FBN1: variants seen among roughly 807,000 people sequenced by gnomAD.
The protein encoded by FBN1 is fibrillin 1.
FBN1 carries 29 observed loss-of-function variants against 365.1 expected under a neutral mutation model. The ratio of observed to expected loss-of-function variants is 0.08; its 90% CI spans 0.06 to 0.11. FBN1 has a LOEUF of 0.11. Ranked by LOEUF, FBN1 falls within the 10% of genes least tolerant of loss-of-function variation. The probability of loss-of-function intolerance (pLI) is 1.00; values close to 1 mark genes in which losing one functional copy is unlikely to be tolerated. For synonymous variants in FBN1, 1,210 were observed against 1,270.5 expected (o/e 0.95, Z 1.01); for missense variants, 2,476 against 3,703.2 (o/e 0.67, Z 8.60).
chr15:48,558,727 G>A (rs1436557137), intron 6 of FBN1, among the ~76,000 whole-genome samples: 4 of 152,168 alleles, frequency 2.6e-5, no homozygotes, highest in South Asian at 2.1e-4. Flanking sequence ...GTTCAAAGAC[G>A]CAAAGCCTGC....
chr15:48,514,777 G>C (rs1192990598), intron 12 of FBN1, among the ~76,000 whole-genome samples: 1 of 152,122 alleles, frequency 6.6e-6, no homozygotes, highest in East Asian at 1.9e-4. Flanking sequence ...TCTTAAATTG[G>C]AGTTACCAGA....
intron 54 of FBN1, among the ~76,000 whole-genome samples, chr15:48,434,200 G>A (rs2043045770): frequency 6.6e-6 from 1 of 152,088 alleles, no homozygotes; most frequent in Admixed American, 6.6e-5. Context: ...GGGTATCTTA[G>A]TGTGCAGTGC....
At chr15:48,570,948 G>A (rs1190040931) in intron 6 of FBN1, among the ~76,000 whole-genome samples, 1 of 152,178 alleles carries the variant, frequency 6.6e-6, no homozygotes, top group Non-Finnish European at 1.5e-5. Context: ...AGGGCCTAAG[G>A]AAAATGGTCT....
Position 48,489,906 on chromosome 15 carries a change from C to T in FBN1, c.3027G>A (p.Pro1009=), listed in dbSNP as rs774381427. 7 of 1,614,176 alleles carry T rather than the reference C, an allele frequency of 4.3e-6. No individual in the cohort carries two copies. Among genetic ancestry groups the T allele is most frequent in the East Asian group, 2.2e-5 (1 of 44,876 alleles). ...RNTPEYEELC[P]RGPGFATKEI... Reference sequence around the variant, plus strand: ...CTTTTGTGGCAAATCCGGGTCCTCTCGGACACAGCTCCTCGTACTCAGGAG... The same window carrying T: ...CTTTTGTGGCAAATCCGGGTCCTCTTGGACACAGCTCCTCGTACTCAGGAG... Residue 1009 remains proline (P), a synonymous_variant, in exon 25 of 66, where the codon CCG becomes CCA. Transcript: ENST00000316623.
intron 6 of FBN1, among the ~76,000 whole-genome samples, chr15:48,579,429 T>C (rs2044374532): frequency 6.6e-6 from 1 of 152,218 alleles, no homozygotes. Context: ...CAATTTCATC[T>C]ACATACAGTT....
rs1267721327 is a variant in FBN1 at position 48,489,902 on chromosome 15, C to T, written c.3031G>A (p.Gly1011Arg). 6.2e-7 allele frequency: 1 copy of T among 1,614,022 alleles called. No individual in the cohort carries two copies. The highest frequency in any genetic ancestry group is 8.5e-7 in the Non-Finnish European group (1 of 1,180,042). ...TPEYEELCPR[G>R]PGFATKEITN... is the part of the protein sequence containing the mutation. ...ATTTCTTTTGTGGCAAATCCGGGTC[C>T]TCTCGGACACAGCTCCTCGTACTCA... Residue 1011 changes from glycine to arginine, a missense_variant, in exon 25 of 66, where the codon GGA (glycine) becomes AGA (arginine). Around this residue, in one of 5 missense-constraint regions of FBN1, gnomAD observed 1,780 missense variants for 2,840.8 expected, o/e 0.63. Transcript: ENST00000316623.
At chr15:48,620,854 G>A (rs951716493) in intron 2 of FBN1, among the ~76,000 whole-genome samples, 9 of 152,146 alleles carry the variant, frequency 5.9e-5, no homozygotes, top group Non-Finnish European at 1.2e-4. Context: ...AGGAATCAGG[G>A]CTCCTGGGAG....
intron 6 of FBN1, among the ~76,000 whole-genome samples, chr15:48,556,564 T>C (rs930608382): frequency 1.3e-5 from 2 of 152,208 alleles, no homozygotes; most frequent in Non-Finnish European, 2.9e-5. Context: ...TTAGAAATCA[T>C]TTTCTTTGAA....
chr15:48,623,683 T>C (rs1181191569), intron 2 of FBN1, among the ~76,000 whole-genome samples: 2 of 152,150 alleles, frequency 1.3e-5, no homozygotes, highest in Admixed American at 1.3e-4. Context: ...CATGACAAAA[T>C]TCATAGAGTG....
In FBN1 at chr15:48,598,087, C is replaced by T. The variant is rs140658101; in HGVS notation, c.443-1709G>A. 4.6e-5 allele frequency among the ~76,000 whole-genome samples: 7 copies of T among 152,264 alleles called. No individual in the cohort carries two copies. In the East Asian group the frequency reaches 9.7e-4, roughly 21 times the overall value. On this transcript the variant is annotated intron_variant, in intron 5 of 65. Coordinates refer to ENST00000316623, the MANE Select transcript of FBN1 (RefSeq NM_000138.5). Reference sequence around the variant, plus strand: ...CTCCTGTTTTGTCCTCCTCCAGTTGCGCTTCCACACTGTGATCTTTCTCAC... The same window carrying T: ...CTCCTGTTTTGTCCTCCTCCAGTTGTGCTTCCACACTGTGATCTTTCTCAC...
At chr15:48,570,180 C>G (rs1301302227) in intron 6 of FBN1, among the ~76,000 whole-genome samples, 1 of 152,082 alleles carries the variant, frequency 6.6e-6, no homozygotes. Context: ...TATCTAACCA[C>G]CTGGGGCAGA....
chr15:48,626,198 A>G (rs1427394745), intron 2 of FBN1, among the ~76,000 whole-genome samples: 1 of 151,210 alleles, frequency 6.6e-6, no homozygotes. Flanking sequence ...TTGAGGCTAG[A>G]GTGAGCCGCA....
rs28730787 is a variant in FBN1, at chr15:48,430,586, T to C, written c.6871+85A>G. On this transcript the variant is annotated intron_variant, in intron 56 of 65. Coordinates refer to ENST00000316623, the MANE Select transcript of FBN1 (RefSeq NM_000138.5). The stretch of plus-strand genomic sequence containing the variant: ...ACAAAATGGGTCTCGCCAAGAACAG[T>C]ATCCCAAGAACTCAGAGCCCAGGTT... 9,309 of 1,514,468 alleles carry C rather than the reference T, an allele frequency of 6.1e-3. 38 individuals are homozygous for C. Among genetic ancestry groups the C allele is most frequent in the Non-Finnish European group, 7.6e-3 (8,308 of 1,092,354 alleles). 93.8% of individuals were successfully genotyped at this position (1,514,468 alleles called of 1,614,324 possible).
At chr15:48,507,079 G>A (rs1312111669) in intron 15 of FBN1, among the ~76,000 whole-genome samples, 1 of 152,082 alleles carries the variant, frequency 6.6e-6, no homozygotes, top group Non-Finnish European at 1.5e-5. Context: ...CATCTATGAG[G>A]TCACAGCATT....
intron 35 of FBN1, among the ~76,000 whole-genome samples, chr15:48,472,133 C>A (rs1320298214): frequency 6.6e-6 from 1 of 152,228 alleles, no homozygotes; most frequent in African/African-American, 2.4e-5. Context: ...GAGATTAAAA[C>A]CTGTGTTTCC....
chr15:48,496,667 T>A (rs2141305598), intron 19 of FBN1, among the ~76,000 whole-genome samples: 1 of 152,286 alleles, frequency 6.6e-6, no homozygotes, highest in South Asian at 2.1e-4. Flanking sequence ...CCAGAATGGG[T>A]GTTTCTTCCT....
chr15:48,554,447 C>T (rs2044164804), intron 6 of FBN1, among the ~76,000 whole-genome samples: 1 of 152,144 alleles, frequency 6.6e-6, no homozygotes, highest in Non-Finnish European at 1.5e-5. Context: ...TGAAAATTAT[C>T]CCAATTTTGT....
At chr15:48,627,370 G>T (rs530631580) in intron 2 of FBN1, among the ~76,000 whole-genome samples, 1 of 152,142 alleles carries the variant, frequency 6.6e-6, no homozygotes, top group Admixed American at 6.5e-5. Flanking sequence ...TGCACCCTCC[G>T]GTAAAAACAT....
At chr15:48,491,072 G>A (rs4283172) in intron 24 of FBN1, among the ~76,000 whole-genome samples, 34,701 of 152,000 alleles carry the variant, frequency 0.23, 4,858 homozygotes, top group African/African-American at 0.39. Flanking sequence ...TTATTTTTAA[G>A]TGAATCCTAA....
Sources: gnomAD v4.1 joint callset for allele counts (sites outside exome capture counted in the v4.1 genomes callset) on GRCh38, gnomAD v4.1.1 for gene constraint, gnomAD v4.1.1 regional missense constraint, MANE v1.5 for transcripts, NCBI Gene and HGNC (gene_info 2026-07-23, HGNC 2026-07-21) for gene names.